OXR1: variants seen among roughly 807,000 people sequenced by gnomAD.
OXR1 encodes oxidation resistance 1, also known as oxidation resistance protein 1.
In OXR1, 41 loss-of-function variants were observed where a neutral mutation model predicts 104.6. That is an observed-to-expected ratio of 0.39 (90% confidence interval 0.31 to 0.51). The LOEUF (loss-of-function observed/expected upper bound fraction) is 0.51, where lower values mean the gene tolerates loss of function less well. Ranked by LOEUF, OXR1 falls within the 20% of genes least tolerant of loss-of-function variation. The pLI, the probability that OXR1 is intolerant of heterozygous loss-of-function variation, is 0.77. For synonymous variants in OXR1, 348 were observed against 348.4 expected (o/e 1.00, Z 0.01); for missense variants, 955 against 1,031.9 (o/e 0.93, Z 1.02).
intron 2 of OXR1, among the ~76,000 whole-genome samples, chr8:106,506,409 C>G (rs556009733): frequency 1.3e-5 from 2 of 152,050 alleles, no homozygotes; most frequent in African/African-American, 2.4e-5. Flanking sequence ...GTCAGGAGAT[C>G]CAGACAATCC....
intron 2 of OXR1, among the ~76,000 whole-genome samples, chr8:106,465,376 T>C (rs1046474758): frequency 1.4e-4 from 21 of 152,110 alleles, no homozygotes; most frequent in East Asian, 9.7e-4. Context: ...GGTCAAACCA[T>C]GTACAGCCTT....
chr8:106,387,570 T>C (rs1817426328), intron 2 of OXR1, among the ~76,000 whole-genome samples: 1 of 152,160 alleles, frequency 6.6e-6, no homozygotes, highest in Non-Finnish European at 1.5e-5. Context: ...AAAGTGACAT[T>C]GGAATACTTA....
At chr8:106,504,340 A>G (rs974607854) in intron 2 of OXR1, among the ~76,000 whole-genome samples, 27 of 152,326 alleles carry the variant, frequency 1.8e-4, no homozygotes, top group African/African-American at 6.3e-4. Flanking sequence ...GATGTAGAGC[A>G]ACTAAGTGTT....
intron 4 of OXR1, among the ~76,000 whole-genome samples, chr8:106,681,390 A>C (rs984884374): frequency 2.6e-5 from 4 of 152,194 alleles, no homozygotes; most frequent in Non-Finnish European, 1.5e-5. Context: ...TTTGGCATAA[A>C]TTTGGTTTTA....
chr8:106,620,882 T>C (rs1403368344), intron 3 of OXR1, among the ~76,000 whole-genome samples: 1 of 152,236 alleles, frequency 6.6e-6, no homozygotes, highest in Non-Finnish European at 1.5e-5. Context: ...CATGAAGTAC[T>C]GTTAAATTAT....
At chr8:106,691,621 TATATATATATATATATATATACAC>T (rs1193949575) in intron 6 of OXR1, among the ~76,000 whole-genome samples, 78 of 17,802 alleles carry the variant, frequency 4.4e-3, no homozygotes, top group Admixed American at 0.032. Context: ...TATATATACA[TATATATATATATATATATATACAC>T]ACACATATAT....
chr8:106,424,586 C>T (rs954245791), intron 2 of OXR1, among the ~76,000 whole-genome samples: 36 of 152,172 alleles, frequency 2.4e-4, no homozygotes, highest in Non-Finnish European at 8.8e-5. Flanking sequence ...CTACAATGAC[C>T]ATACATCTGA....
chr8:106,562,260 C>T (rs1816738177), intron 3 of OXR1, among the ~76,000 whole-genome samples: 6 of 151,866 alleles, frequency 4.0e-5, no homozygotes, highest in Admixed American at 3.9e-4. Context: ...CTATAATACC[C>T]GTTTAGAGAA....
At chr8:106,712,082 A>T (rs1471813261) in intron 10 of OXR1, among the ~76,000 whole-genome samples, 1 of 152,038 alleles carries the variant, frequency 6.6e-6, no homozygotes, top group Non-Finnish European at 1.5e-5. Flanking sequence ...TCTCCCTTTT[A>T]TTTTTCTTTA....
rs1289163288 is a variant in OXR1, at chr8:106,303,261, T to C, written c.-139+32894T>C. Among the ~76,000 whole-genome samples the C allele has an allele frequency of 9.7e-5, 14 of 143,694 alleles. 1 individual carries two copies. Among genetic ancestry groups the C allele is most frequent in the African/African-American group, 3.6e-4 (14 of 38,932 alleles). 94.3% of individuals were successfully genotyped at this position (143,694 alleles called of 152,430 possible). A position where few individuals can be genotyped will look rare whatever the true frequency, so the allele number is the denominator to read the frequency against. ...TTTTTTTTCTTTCTTTTTTTTTTTT[T>C]TTTTTTTTTTGAGTCAGAGTCTCAC... On this transcript the variant is annotated intron_variant, in intron 1 of 16. Transcript: ENST00000517566.
intron 3 of OXR1, among the ~76,000 whole-genome samples, chr8:106,583,926 T>C (rs1041282347): frequency 2.0e-5 from 3 of 152,036 alleles, no homozygotes; most frequent in Non-Finnish European, 2.9e-5. Flanking sequence ...TGTTCTTAAA[T>C]GGGAAATTTA....
chr8:106,469,008 GT>G (rs1821339872), intron 2 of OXR1, among the ~76,000 whole-genome samples: 1 of 118,622 alleles, frequency 8.4e-6, no homozygotes, highest in South Asian at 2.8e-4. Context: ...TTGTTTGTTT[GT>G]GTGTTGTTGT....
At chr8:106,583,532 A>G (rs1372845308) in intron 3 of OXR1, among the ~76,000 whole-genome samples, 1 of 152,168 alleles carries the variant, frequency 6.6e-6, no homozygotes, top group African/African-American at 2.4e-5. Context: ...TTCCATTTTT[A>G]TCCTCAACTA....
chr8:106,384,768 G>A (rs1050742353), intron 2 of OXR1, among the ~76,000 whole-genome samples: 5 of 143,638 alleles, frequency 3.5e-5, no homozygotes, highest in African/African-American at 1.3e-4. Flanking sequence ...CACTCACTCT[G>A]TTGGCCAGGC....
At chr8:106,582,836 G>T (rs988527056) in intron 3 of OXR1, among the ~76,000 whole-genome samples, 1 of 152,010 alleles carries the variant, frequency 6.6e-6, no homozygotes, top group Non-Finnish European at 1.5e-5. Context: ...TGTCTTATAC[G>T]TTTCAGGGAC....
chr8:106,513,795 C>G (rs564068136), intron 2 of OXR1, among the ~76,000 whole-genome samples: 7 of 152,218 alleles, frequency 4.6e-5, no homozygotes, highest in Admixed American at 3.3e-4. Flanking sequence ...CTGTGCTAGG[C>G]ACTTTCACAT....
chr8:106,657,854 G>T (rs1200516499), intron 3 of OXR1: 1 of 1,239,718 alleles, frequency 8.1e-7, no homozygotes, highest in Non-Finnish European at 1.0e-6. Context: ...CCTCCTCCCC[G>T]CCTCTTGTGA....
chr8:106,553,595 C>A (rs558676590), intron 3 of OXR1, among the ~76,000 whole-genome samples: 1 of 152,120 alleles, frequency 6.6e-6, no homozygotes, highest in East Asian at 1.9e-4. Flanking sequence ...GCTGAGATTA[C>A]GGGTGTGAGC....
intron 2 of OXR1, among the ~76,000 whole-genome samples, chr8:106,431,533 ACT>A (rs1468850038): frequency 6.6e-6 from 1 of 152,038 alleles, no homozygotes; most frequent in Non-Finnish European, 1.5e-5. Context: ...ATTTAAAATA[ACT>A]CTGCCATCAT....
Sources: allele counts gnomAD v4.1 joint callset (sites outside exome capture counted in the v4.1 genomes callset), GRCh38; gene constraint gnomAD v4.1.1; transcripts MANE v1.5; gene names NCBI Gene and HGNC (gene_info 2026-07-23, HGNC 2026-07-21).